Variants in PFDN6 observed in about 807,000 individuals in gnomAD.
PFDN6 encodes HLA class II region expressed gene KE2.
Under a neutral mutation model 19.3 loss-of-function variants are expected in PFDN6, and 5 were observed. The ratio of observed to expected loss-of-function variants is 0.26; its 90% CI spans 0.14 to 0.55. The LOEUF (loss-of-function observed/expected upper bound fraction) is 0.55, where lower values mean the gene tolerates loss of function less well. Ranked by LOEUF, PFDN6 falls within the 20% of genes least tolerant of loss-of-function variation. PFDN6 has a pLI of 0.94. For synonymous variants in PFDN6, 51 were observed against 63.4 expected, an observed-to-expected ratio of 0.80 and a Z score of 0.93; for missense variants, 101 against 149.4, an observed-to-expected ratio of 0.68 and a Z score of 1.69.
At position 33,289,668 on chromosome 6, in the gene PFDN6, G is replaced by A; in HGVS notation, c.-189G>A. The A allele has an allele frequency of 1.8e-6, 1 of 547,142 alleles. No homozygotes were observed. Among genetic ancestry groups the A allele is most frequent in the South Asian group, 4.5e-5 (1 of 22,438 alleles). The allele number at this position is 547,142 out of a possible 1,614,324, so 33.9% of individuals were successfully genotyped here. ...TGAGAGGCTTGGGGTCTTGCGTTTCGCCCACCATCTCCTGGGGACAGGGTG... is the reference window on the plus strand; with the variant it reads ...TGAGAGGCTTGGGGTCTTGCGTTTCACCCACCATCTCCTGGGGACAGGGTG... On this transcript the variant is annotated 5_prime_UTR_variant, in exon 1 of 4. Transcript: ENST00000374606.
chr6:33,289,609 T>C lies in PFDN6; in HGVS notation c.-248T>C, dbSNP rs768356847. The C allele has an allele frequency of 8.1e-6, 5 of 621,106 alleles. No homozygotes were observed. The highest frequency in any genetic ancestry group is 1.2e-5 in the Non-Finnish European group (5 of 410,126). 38.5% of individuals were successfully genotyped at this position (621,106 alleles called of 1,614,324 possible). A position where few individuals can be genotyped will look rare whatever the true frequency, so the allele number is the denominator to read the frequency against. On this transcript the variant is annotated 5_prime_UTR_variant, in exon 1 of 4. Coordinates refer to ENST00000374606, the MANE Select transcript of PFDN6 (RefSeq NM_001185181.3). ...TGTTTACTTCCGGGTTTATTACTAC[T>C]GAAGGAAGAACGTGAGTAGGTTAGG...
chr6:33,289,559 G>A (rs1045411489), upstream of PFDN6: 2 of 806,608 alleles, frequency 2.5e-6, no homozygotes, highest in Non-Finnish European at 3.4e-6. Flanking sequence ...AGAAACTTCC[G>A]GCACAGTCTT....
chr6:33,289,641 G>C lies in PFDN6; in HGVS notation c.-216G>C. On this transcript the variant is annotated 5_prime_UTR_variant, in exon 1 of 4. Coordinates refer to ENST00000374606, the MANE Select transcript of PFDN6 (RefSeq NM_001185181.3). Reference sequence around the variant, plus strand: ...AGAACGTGAGTAGGTTAGGATTTCGGTTGAGAGGCTTGGGGTCTTGCGTTT... The same window carrying C: ...AGAACGTGAGTAGGTTAGGATTTCGCTTGAGAGGCTTGGGGTCTTGCGTTT... 3.6e-6 allele frequency: 2 copies of C among 562,194 alleles called. No individual in the cohort carries two copies. Among genetic ancestry groups the C allele is most frequent in the Non-Finnish European group, 5.7e-6 (2 of 352,864 alleles). 34.8% of individuals were successfully genotyped at this position (562,194 alleles called of 1,614,324 possible). A position where few individuals can be genotyped will look rare whatever the true frequency, so the allele number is the denominator to read the frequency against.
Position 33,290,840 on chromosome 6 carries a change from G to C in PFDN6, c.385G>C (p.Ala129Pro). Residue 129 changes from alanine (A) to proline (P), a missense_variant, in exon 4 of 4, where the codon GCC becomes CCC. This residue lies in a region of PFDN6 where 47 missense variants were observed against 40.6 expected (regional missense o/e 1.16). Coordinates refer to ENST00000374606, the MANE Select transcript of PFDN6 (RefSeq NM_001185181.3). ...AGCAAAGGCAGGGGCTCCTGGCAAGGCCTGACCCCATGGTGGGGGGAGGGG... is the reference window on the plus strand; with the variant it reads ...AGCAAAGGCAGGGGCTCCTGGCAAGCCCTGACCCCATGGTGGGGGGAGGGG... ...QAAKAGAPGKA is the reference protein window; with the variant it reads ...QAAKAGAPGKP The C allele has an allele frequency of 6.3e-7, 1 of 1,599,034 alleles. No individual in the cohort carries two copies. Among genetic ancestry groups the C allele is most frequent in the Non-Finnish European group, 8.5e-7 (1 of 1,178,714 alleles).
chr6:33,289,606 T>C lies in PFDN6; in HGVS notation c.-251T>C, dbSNP rs921058030. ...CCTTGTTTACTTCCGGGTTTATTAC[T>C]ACTGAAGGAAGAACGTGAGTAGGTT... On this transcript the variant is annotated 5_prime_UTR_variant, in exon 1 of 4. Transcript: ENST00000374606. 2 of 624,870 alleles carry C rather than the reference T, an allele frequency of 3.2e-6. No homozygotes were observed. The highest frequency in any genetic ancestry group is 4.8e-6 in the Non-Finnish European group (2 of 414,730). The allele number at this position is 624,870 out of a possible 1,614,324, so 38.7% of individuals were successfully genotyped here.
chr6:33,289,287 A>G (rs28362618), upstream of PFDN6: 1 of 1,494,524 alleles, frequency 6.7e-7, no homozygotes, highest in South Asian at 1.3e-5. Context: ...CCAGGTATGA[A>G]GCTCTCTAGG....
At chr6:33,289,438 T>C (rs1767076281), upstream of PFDN6, 7 of 1,293,030 alleles carry the variant, frequency 5.4e-6, no homozygotes, top group African/African-American at 4.6e-5. Context: ...GTGCGGTTTC[T>C]TTTTCTGGAT....
rs911966516 is a variant in PFDN6, at chr6:33,289,626, T to G, written c.-231T>G. On this transcript the variant is annotated 5_prime_UTR_variant, in exon 1 of 4. Coordinates refer to ENST00000374606, the MANE Select transcript of PFDN6 (RefSeq NM_001185181.3). Reference sequence around the variant, plus strand: ...ATTACTACTGAAGGAAGAACGTGAGTAGGTTAGGATTTCGGTTGAGAGGCT... The same window carrying G: ...ATTACTACTGAAGGAAGAACGTGAGGAGGTTAGGATTTCGGTTGAGAGGCT... 3.5e-6 allele frequency: 2 copies of G among 570,286 alleles called. No homozygotes were observed. Among genetic ancestry groups the G allele is most frequent in the South Asian group, 4.8e-5 (1 of 21,008 alleles). 35.3% of individuals were successfully genotyped at this position (570,286 alleles called of 1,614,324 possible).
Position 33,289,669 on chromosome 6 carries a change from CCCA to C in PFDN6, c.-184_-182del. ...GAGAGGCTTGGGGTCTTGCGTTTCG[CCCA>C]CCATCTCCTGGGGACAGGGTGGAGT... On this transcript the variant is annotated 5_prime_UTR_variant, in exon 1 of 4. Transcript: ENST00000374606. The C allele has an allele frequency of 1.8e-6, 1 of 546,956 alleles. No individual in the cohort carries two copies. The highest frequency in any genetic ancestry group is 3.0e-6 in the Non-Finnish European group (1 of 334,672). The allele number at this position is 546,956 out of a possible 1,614,324, so 33.9% of individuals were successfully genotyped here.
rs1248659300 is a variant in PFDN6, at chr6:33,290,882, T to TG, written c.*38dup. On this transcript the variant is annotated 3_prime_UTR_variant, in exon 4 of 4. Transcript: ENST00000374606. ...GGGGAGGGGAGGGGAGGGGAGGGAA[T>TG]GAGGCAGCTCTAGGATCTATACTGT... 6.5e-7 allele frequency: 1 copy of TG among 1,544,932 alleles called. No individual in the cohort carries two copies.
Position 33,290,717 on chromosome 6 carries a change from A to C in PFDN6, c.262A>C (p.Lys88Gln). The change falls in exon 4 of 4, where the codon AAG becomes CAG. Residue 88 changes from lysine to glutamine, a missense_variant and splice_region_variant. By Grantham distance (53) the Lys-to-Gln change is moderately conservative (BLOSUM62 1). This residue lies in a region of PFDN6 where 54 missense variants were observed against 108.8 expected (regional missense o/e 0.50). Transcript: ENST00000374606. ...CTTGTCTCCCTTGTCTCTCCTTAGT[A>C]AGCGATACGAATCCCAGCTTCGGGA... Reference protein sequence around the residue: ...KRLDYITAEIKRYESQLRDLE... With the variant: ...KRLDYITAEIQRYESQLRDLE... 6.2e-7 allele frequency: 1 copy of C among 1,613,332 alleles called. No individual in the cohort carries two copies. Among genetic ancestry groups the C allele is most frequent in the Non-Finnish European group, 8.5e-7 (1 of 1,179,868 alleles).
Position 33,289,820 on chromosome 6 carries a change from G to T in PFDN6, c.-37G>T. On this transcript the variant is annotated 5_prime_UTR_variant, in exon 1 of 4. Coordinates refer to ENST00000374606, the MANE Select transcript of PFDN6 (RefSeq NM_001185181.3). ...TACCTTCCAGAGAGTGAGACCCAGCGCCCTTGTCTCGCACCCAGTAGGCTT... is the reference window on the plus strand; with the variant it reads ...TACCTTCCAGAGAGTGAGACCCAGCTCCCTTGTCTCGCACCCAGTAGGCTT... 6.5e-7 allele frequency: 1 copy of T among 1,529,086 alleles called. No homozygotes were observed. 94.7% of individuals were successfully genotyped at this position (1,529,086 alleles called of 1,614,324 possible). A position where few individuals can be genotyped will look rare whatever the true frequency, so the allele number is the denominator to read the frequency against.
chr6:33,290,523 C>T, intron 3 of PFDN6, 73 bp downstream of exon 3: 1 of 1,509,492 alleles, frequency 6.6e-7, no homozygotes, highest in Non-Finnish European at 8.9e-7. Context: ...GGTGTTGAAC[C>T]ATTGCAGAAC....
At position 33,289,671 on chromosome 6, in the gene PFDN6, C is replaced by T; in HGVS notation, c.-186C>T. 1 of 549,422 alleles carries T rather than the reference C, an allele frequency of 1.8e-6. No individual in the cohort carries two copies. The highest frequency in any genetic ancestry group is 3.0e-6 in the Non-Finnish European group (1 of 336,696). 34.0% of individuals were successfully genotyped at this position (549,422 alleles called of 1,614,324 possible). ...GAGGCTTGGGGTCTTGCGTTTCGCC[C>T]ACCATCTCCTGGGGACAGGGTGGAG... On this transcript the variant is annotated 5_prime_UTR_variant, in exon 1 of 4. Transcript: ENST00000374606.
intron 3 of PFDN6, 92 bp downstream of exon 3, chr6:33,290,542 A>T: frequency 6.7e-7 from 1 of 1,495,968 alleles, no homozygotes; most frequent in Non-Finnish European, 9.0e-7. Context: ...ACAGCTCTCC[A>T]TAGTGGCCCC....
intron 3 of PFDN6, 82 bp from the exon 4 acceptor site, chr6:33,290,634 A>G: frequency 1.3e-6 from 2 of 1,540,462 alleles, no homozygotes; most frequent in East Asian, 2.3e-5. Context: ...TTTTCCACCT[A>G]TCTCTTTCTT....
At position 33,290,785 on chromosome 6, in the gene PFDN6, G is replaced by T; in HGVS notation, c.330G>T (p.Gln110His). The stretch of plus-strand genomic sequence containing the variant: ...AGCAACAGAGGGAGACCCTTGCTCA[G>T]CTGCAGCAGGAGTTCCAGCGGGCCC... ...QSEQQRETLAQLQQEFQRAQA... is the reference protein window; with the variant it reads ...QSEQQRETLAHLQQEFQRAQA... The change falls in exon 4 of 4, where the codon CAG (glutamine) becomes CAT (histidine). Residue 110 changes from glutamine to histidine, a missense_variant. Gln to His is a conservative substitution (Grantham distance 24). This residue lies in a region of PFDN6 where 47 missense variants were observed against 40.6 expected (regional missense o/e 1.16). Transcript: ENST00000374606. 1 of 1,608,724 alleles carries T rather than the reference G, an allele frequency of 6.2e-7. No individual in the cohort carries two copies.
chr6:33,289,389 A>G, upstream of PFDN6: 1 of 1,308,112 alleles, frequency 7.6e-7, no homozygotes. Context: ...GAGTGATTTA[A>G]AAAAGAAAGG....
chr6:33,290,306 A>G lies in PFDN6; in HGVS notation c.136-20A>G, dbSNP rs764772400. On this transcript the variant is annotated intron_variant, in intron 2 of 3. Transcript: ENST00000374606. ...GTACTAGCCATGGTTCTGATCACATATGTCCCATCCCTCCATCAGGAACTG... is the reference window on the plus strand; with the variant it reads ...GTACTAGCCATGGTTCTGATCACATGTGTCCCATCCCTCCATCAGGAACTG... The G allele has an allele frequency of 5.0e-6, 8 of 1,611,772 alleles. No homozygotes were observed. The highest frequency in any genetic ancestry group is 4.5e-5 in the East Asian group (2 of 44,820).
Sources: gnomAD v4.1 joint callset for allele counts on GRCh38, gnomAD v4.1.1 for gene constraint, gnomAD v4.1.1 regional missense constraint, MANE v1.5 for transcripts, NCBI Gene and HGNC (gene_info 2026-07-23, HGNC 2026-07-21) for gene names.